Variants in PCLO observed in about 807,000 individuals in gnomAD.
PCLO encodes the protein piccolo presynaptic cytomatrix protein, also known as protein piccolo.
Under a neutral mutation model 427.5 loss-of-function variants are expected in PCLO, and 82 were observed. The ratio of observed to expected loss-of-function variants is 0.19; its 90% CI spans 0.16 to 0.23. The LOEUF (loss-of-function observed/expected upper bound fraction) is 0.23. PCLO is among the 10% of genes least tolerant of loss of function. PCLO has a pLI of 1.00. For synonymous variants in PCLO, 2,357 were observed against 2,155.4 expected, an observed-to-expected ratio of 1.09 and a Z score of -2.59; for missense variants, 6,239 against 6,115.9, an observed-to-expected ratio of 1.02 and a Z score of -0.67.
chr7:83,157,422 G>T (rs187606927), intron 1 of PCLO, among the ~76,000 whole-genome samples: 2 of 151,952 alleles, frequency 1.3e-5, no homozygotes, highest in African/African-American at 4.8e-5. Context: ...GCCATTGATT[G>T]ATTATTAGTA....
intron 3 of PCLO, among the ~76,000 whole-genome samples, chr7:83,125,305 AG>A (rs1791408405): frequency 6.6e-6 from 1 of 151,918 alleles, no homozygotes; most frequent in Non-Finnish European, 1.5e-5. Context: ...CCCCTCTGGA[AG>A]GTGGGGGGCA....
Position 82,965,939 on chromosome 7 carries a change from C to T in PCLO, c.3849G>A (p.Lys1283=), listed in dbSNP as rs965168574. ...GTGGTTGTTTCCCTTCTTGCACTGT[C>T]TTTGGAGCCACTCTGCCTTCAAGCT... The part of the protein sequence containing the change: ...EEKLEGRVAP[K]TVQEGKQPQT... Residue 1283 remains lysine, a synonymous_variant, in exon 4 of 25, where the codon AAG becomes AAA. Coordinates refer to ENST00000333891, the MANE Select transcript of PCLO (RefSeq NM_033026.6). The T allele has an allele frequency of 1.4e-5, 23 of 1,613,874 alleles. No homozygotes were observed. Among genetic ancestry groups the T allele is most frequent in the Non-Finnish European group, 1.9e-5 (22 of 1,179,850 alleles).
chr7:82,998,718 C>T (rs1253495542), intron 3 of PCLO, among the ~76,000 whole-genome samples: 4 of 151,742 alleles, frequency 2.6e-5, no homozygotes, highest in Non-Finnish European at 5.9e-5. Flanking sequence ...TACTAAAGGC[C>T]TATTTACAGC....
At chr7:82,969,636 C>T (rs1026082229) in intron 3 of PCLO, among the ~76,000 whole-genome samples, 10 of 152,060 alleles carry the variant, frequency 6.6e-5, no homozygotes, top group East Asian at 1.9e-4. Context: ...ATTTCTATTA[C>T]GTCAAATAAT....
At chr7:82,790,115 C>G (rs535015931) in intron 22 of PCLO, among the ~76,000 whole-genome samples, 1 of 152,112 alleles carries the variant, frequency 6.6e-6, no homozygotes, top group Non-Finnish European at 1.5e-5. Flanking sequence ...CGCACCTCTG[C>G]CCCTGCTTGC....
At chr7:83,109,488 T>A (rs2116517455) in intron 3 of PCLO, among the ~76,000 whole-genome samples, 1 of 152,308 alleles carries the variant, frequency 6.6e-6, no homozygotes, top group South Asian at 2.1e-4. Context: ...TCTCTGACCT[T>A]GATATTAACG....
At chr7:83,056,222 C>T (rs556755476) in intron 3 of PCLO, among the ~76,000 whole-genome samples, 1 of 151,954 alleles carries the variant, frequency 6.6e-6, no homozygotes, top group East Asian at 1.9e-4. Flanking sequence ...TAGATTTTTA[C>T]AACTCATTTT....
intron 4 of PCLO, among the ~76,000 whole-genome samples, chr7:82,960,047 A>G (rs527913425): frequency 6.6e-6 from 1 of 152,298 alleles, no homozygotes; most frequent in East Asian, 1.9e-4. Context: ...CTCTTTTCAC[A>G]AAAGCCTTCC....
Position 82,955,548 on chromosome 7 carries a change from C to T in PCLO, c.5405G>A (p.Ser1802Asn). The T allele has an allele frequency of 6.2e-7, 1 of 1,613,916 alleles. No individual in the cohort carries two copies. The highest frequency in any genetic ancestry group is 8.5e-7 in the Non-Finnish European group (1 of 1,179,856). The change falls in exon 5 of 25, where the codon AGT becomes AAT. Residue 1802 changes from serine to asparagine, a missense_variant. By Grantham distance (46) the Ser-to-Asn change is conservative. Around this residue, in one of 5 missense-constraint regions of PCLO, gnomAD observed 4,677 missense variants for 4,468.4 expected, o/e 1.05. Transcript: ENST00000333891. ...GTCTTTCTTTGATTTTTTACTAGAA[C>T]TCTTTCTTTGTTGCTGTTCTATTTC... ...QREIEQQQRK[S>N]SSKKSKKDKD...
In PCLO at chr7:83,134,233, A is replaced by C; in HGVS notation, c.3300+17T>G. 3 of 753,208 alleles carry C rather than the reference A, an allele frequency of 4.0e-6. No homozygotes were observed. Among genetic ancestry groups the C allele is most frequent in the Non-Finnish European group, 5.8e-6 (3 of 521,354 alleles). 46.7% of individuals were successfully genotyped at this position (753,208 alleles called of 1,614,324 possible). Reference sequence around the variant, plus strand: ...CTCCATATGTAATATATATATATATATATATATATAACTTACCTCAGTCAA... The same window carrying C: ...CTCCATATGTAATATATATATATATCTATATATATAACTTACCTCAGTCAA... On this transcript the variant is annotated intron_variant, in intron 3 of 24. Transcript: ENST00000333891.
chr7:83,114,442 T>C (rs1184853414), intron 3 of PCLO, among the ~76,000 whole-genome samples: 1 of 152,084 alleles, frequency 6.6e-6, no homozygotes, highest in Admixed American at 6.6e-5. Context: ...TAAAAGTATA[T>C]ACTTTGCTCC....
chr7:82,865,709 A>G (rs1257043296), intron 10 of PCLO, among the ~76,000 whole-genome samples: 1 of 152,124 alleles, frequency 6.6e-6, no homozygotes, highest in African/African-American at 2.4e-5. Context: ...AAATGAATGA[A>G]CATATTGAGA....
chr7:82,990,862 C>T (rs1205164694), intron 3 of PCLO, among the ~76,000 whole-genome samples: 2 of 151,970 alleles, frequency 1.3e-5, no homozygotes, highest in African/African-American at 4.8e-5. Flanking sequence ...CAAATAAGAT[C>T]ACCCCCAATG....
At chr7:83,023,489 G>T (rs1258758421) in intron 3 of PCLO, among the ~76,000 whole-genome samples, 1 of 152,164 alleles carries the variant, frequency 6.6e-6, no homozygotes, top group Non-Finnish European at 1.5e-5. Flanking sequence ...ATGACATTTT[G>T]ATTGGGAATT....
At chr7:83,159,505 T>C (rs1490460519) in intron 1 of PCLO, among the ~76,000 whole-genome samples, 1 of 152,092 alleles carries the variant, frequency 6.6e-6, no homozygotes, top group East Asian at 1.9e-4. Context: ...ATTTCATTTG[T>C]AACCTGTCTT....
rs543812776 is a variant in PCLO at position 82,913,949 on chromosome 7, A to G, written c.13300+737T>C. 1.6e-3 allele frequency among the ~76,000 whole-genome samples: 242 copies of G among 152,204 alleles called. 14 individuals are homozygous for G. In the South Asian group the frequency reaches 0.049, roughly 31 times the overall value. On this transcript the variant is annotated intron_variant, in intron 7 of 24. Transcript: ENST00000333891. ...TTGAACTCTAAATAACTAAAATCAG[A>G]AAAGAAGTTTACAAGGTTTCAATTT... is the stretch of plus-strand genomic sequence containing the variant.
chr7:83,024,807 C>T (rs573001001), intron 3 of PCLO, among the ~76,000 whole-genome samples: 148 of 152,044 alleles, frequency 9.7e-4, no homozygotes, highest in East Asian at 1.7e-3. Flanking sequence ...TCCTGACCCC[C>T]GAGCAGCCTA....
rs372304800 is a variant in PCLO, at chr7:82,956,455, C to A, written c.4498G>T (p.Val1500Phe). The change falls in exon 5 of 25, where the codon GTT (valine) becomes TTT (phenylalanine). Residue 1500 changes from valine (V) to phenylalanine (F), a missense_variant. Physicochemically the swap from Val to Phe is conservative, Grantham distance 50. Around this residue, in one of 5 missense-constraint regions of PCLO, gnomAD observed 4,677 missense variants for 4,468.4 expected, o/e 1.05. Coordinates refer to ENST00000333891, the MANE Select transcript of PCLO (RefSeq NM_033026.6). ...TCTCTTCTAGTAGTTATGTCATCAA[C>A]AAACTCAGACTTCTCTTTATGGTCC... ...SKDHKEKSEF[V>F]DDITTRREPY... 1.9e-6 allele frequency: 3 copies of A among 1,613,680 alleles called. No homozygotes were observed. In the African/African-American group the frequency reaches 4.0e-5, roughly 22 times the overall value.
At chr7:83,047,608 C>T (rs992499877) in intron 3 of PCLO, among the ~76,000 whole-genome samples, 2 of 151,968 alleles carry the variant, frequency 1.3e-5, no homozygotes, top group Non-Finnish European at 2.9e-5. Flanking sequence ...TCTTTACAAT[C>T]TTGACATTGT....
Sources: gnomAD v4.1 joint callset for allele counts (sites outside exome capture counted in the v4.1 genomes callset) on GRCh38, gnomAD v4.1.1 for gene constraint, gnomAD v4.1.1 regional missense constraint, MANE v1.5 for transcripts, NCBI Gene and HGNC (gene_info 2026-07-23, HGNC 2026-07-21) for gene names.